Variants in HOATZ observed in about 807,000 individuals in gnomAD.
The protein encoded by HOATZ is HOATZ cilia and flagella associated protein, also known as cilia- and flagella-associated protein HOATZ.
In HOATZ, 26 loss-of-function variants were observed where a neutral mutation model predicts 24.9. That is an observed-to-expected ratio of 1.04 (90% CI 0.76 to 1.45). The LOEUF is 1.45. Ranked by LOEUF, HOATZ falls within the 40% of genes most tolerant of loss-of-function variation. HOATZ has a pLI of 0.00. For missense variants in HOATZ, 226 were observed against 201.5 expected, an observed-to-expected ratio of 1.12 and a Z score of -0.74; for synonymous variants, 83 against 76.6, an observed-to-expected ratio of 1.08 and a Z score of -0.43.
At chr11:111,536,667 T>G in intron 5 of HOATZ, 103 bp from the exon 6 acceptor site, 1 of 905,018 alleles carries the variant, frequency 1.1e-6, no homozygotes, top group Non-Finnish European at 1.8e-6. Flanking sequence ...TCTACAACAG[T>G]GAATTTTTAT....
intron 4 of HOATZ, 146 bp downstream of exon 4, chr11:111,533,951 C>A: frequency 3.8e-6 from 2 of 529,218 alleles, no homozygotes; most frequent in Non-Finnish European, 6.4e-6. Flanking sequence ...AAGGTATAGA[C>A]ATTAGATAAT....
At chr11:111,515,184 G>C in intron 1 of HOATZ, 174 bp downstream of exon 1, 2 of 613,064 alleles carry the variant, frequency 3.3e-6, no homozygotes, top group South Asian at 4.0e-5. Flanking sequence ...CACCCGAAAA[G>C]GATCAGTGGT....
At chr11:111,523,347 G>A in intron 3 of HOATZ, among the ~76,000 whole-genome samples, 1 of 151,784 alleles carries the variant, frequency 6.6e-6, no homozygotes, top group East Asian at 1.9e-4. Flanking sequence ...GCATGAGTTA[G>A]AGTGCTATTA....
At chr11:111,526,851 A>G (rs1215043836) in intron 3 of HOATZ, 2 of 152,210 alleles carry the variant, frequency 1.3e-5, no homozygotes, top group African/African-American at 4.8e-5. Flanking sequence ...AGTATCATTC[A>G]CCCACTCATC....
intron 3 of HOATZ, among the ~76,000 whole-genome samples, chr11:111,531,371 G>A (rs1200581444): frequency 1.3e-5 from 2 of 152,142 alleles, no homozygotes; most frequent in Non-Finnish European, 2.9e-5. Context: ...TCTAAGGAAG[G>A]ATAAAGAGAT....
intron 3 of HOATZ, among the ~76,000 whole-genome samples, chr11:111,522,393 G>T (rs1413093300): frequency 1.3e-5 from 2 of 152,190 alleles, no homozygotes; most frequent in African/African-American, 4.8e-5. Flanking sequence ...GAACTGGAAT[G>T]ATTCTGTGGA....
chr11:111,525,898 C>T (rs1591556751), intron 3 of HOATZ, among the ~76,000 whole-genome samples: 2 of 152,300 alleles, frequency 1.3e-5, no homozygotes, highest in Non-Finnish European at 1.5e-5. Context: ...GTCAAAGACA[C>T]GAACTCTGCC....
At chr11:111,526,309 T>C (rs538703142) in intron 3 of HOATZ, among the ~76,000 whole-genome samples, 27 of 152,234 alleles carry the variant, frequency 1.8e-4, no homozygotes, top group Non-Finnish European at 3.1e-4. Flanking sequence ...GACTGTAATA[T>C]GGAGAATGTA....
intron 3 of HOATZ, among the ~76,000 whole-genome samples, chr11:111,519,442 A>G (rs957108931): frequency 7.2e-5 from 11 of 152,174 alleles, no homozygotes; most frequent in Non-Finnish European, 5.9e-5. Context: ...TCTTTACTAG[A>G]ATACTCCCAA....
intron 3 of HOATZ, among the ~76,000 whole-genome samples, chr11:111,531,843 C>G (rs1867396703): frequency 6.6e-6 from 1 of 152,170 alleles, no homozygotes; most frequent in Non-Finnish European, 1.5e-5. Context: ...CAGCGTGGGC[C>G]CCTTCTCTGT....
In HOATZ at chr11:111,514,815, G is replaced by T. The variant is rs773823805; in HGVS notation, c.31G>T (p.Gly11Cys). METGPSEEPS[G>C]RKESQEMCPP... is the part of the protein sequence containing the mutation. ...AACGGGACCCAGCGAAGAACCTAGC[G>T]GCCGAAAAGAGTCCCAGGAAATGTG... Residue 11 changes from glycine to cysteine, a missense_variant, in exon 1 of 6, where the codon GGC becomes TGC. Coordinates refer to ENST00000375618, the MANE Select transcript of HOATZ (RefSeq NM_001100388.2). 1.9e-6 allele frequency: 3 copies of T among 1,613,880 alleles called. No individual in the cohort carries two copies. Among genetic ancestry groups the T allele is most frequent in the Non-Finnish European group, 2.5e-6 (3 of 1,179,984 alleles).
intron 3 of HOATZ, among the ~76,000 whole-genome samples, chr11:111,523,205 C>CTTTTTTTTTTT (rs747393521): frequency 5.3e-5 from 5 of 94,268 alleles, no homozygotes; most frequent in Non-Finnish European, 6.5e-5. Context: ...TAAGTGTTCA[C>CTTTTTTTTTTT]TTTTTTTTTT....
chr11:111,514,994 G>C lies in HOATZ; in HGVS notation c.210G>C (p.Arg70Ser). The C allele has an allele frequency of 6.2e-7, 1 of 1,612,826 alleles. No homozygotes were observed. ...SSQRLPVARP[R>S]RSRGSENSHS... ...AGCGTCTGCCGGTGGCGCGGCCCAG[G>C]AGGAGCAGAGGGTCTGGTGAGTAGA... The change falls in exon 1 of 6, where the codon AGG (arginine) becomes AGC (serine). Residue 70 changes from arginine to serine, a missense_variant. Physicochemically the swap from Arg to Ser is moderately radical, Grantham distance 110. Transcript: ENST00000375618.
chr11:111,519,275 CT>C, intron 3 of HOATZ: 1 of 180,446 alleles, frequency 5.5e-6, no homozygotes, highest in East Asian at 1.4e-4. Flanking sequence ...AACCTAGTGC[CT>C]TTTTGGTTAT....
chr11:111,529,262 A>G (rs1052557737), intron 3 of HOATZ, among the ~76,000 whole-genome samples: 27 of 152,200 alleles, frequency 1.8e-4, no homozygotes, highest in Non-Finnish European at 3.8e-4. Context: ...GATGATGACT[A>G]GATTACTAAA....
chr11:111,528,147 C>T (rs1462598439), intron 3 of HOATZ, among the ~76,000 whole-genome samples: 4 of 128,470 alleles, frequency 3.1e-5, no homozygotes, highest in Middle Eastern at 3.9e-3. Context: ...CACAGGGAGA[C>T]CTCATCTCTA....
intron 3 of HOATZ, 21 bp downstream of exon 3, chr11:111,516,131 G>T: frequency 7.1e-7 from 1 of 1,408,838 alleles, no homozygotes; most frequent in Non-Finnish European, 9.8e-7. Context: ...ATTTCAGAAG[G>T]TCATCTGATC....
intron 3 of HOATZ, among the ~76,000 whole-genome samples, chr11:111,531,948 C>T (rs1867397957): frequency 6.6e-6 from 1 of 152,182 alleles, no homozygotes; most frequent in Non-Finnish European, 1.5e-5. Context: ...AGCCACCCAG[C>T]AGCTTCTGGG....
chr11:111,522,093 T>A (rs1867276036), intron 3 of HOATZ, among the ~76,000 whole-genome samples: 1 of 152,268 alleles, frequency 6.6e-6, no homozygotes, highest in Non-Finnish European at 1.5e-5. Context: ...TTCCTCTTTT[T>A]TCCAGAGATC....
Sources: gnomAD v4.1 joint callset for allele counts (sites outside exome capture counted in the v4.1 genomes callset) on GRCh38, gnomAD v4.1.1 for gene constraint, MANE v1.5 for transcripts, NCBI Gene and HGNC (gene_info 2026-07-23, HGNC 2026-07-21) for gene names.